CCDC122: variants seen among roughly 807,000 people sequenced by gnomAD.
The protein encoded by CCDC122 is coiled-coil domain-containing protein 122.
In CCDC122, 38 loss-of-function variants were observed where a neutral mutation model predicts 37.0. That is an observed-to-expected ratio of 1.03 (90% CI 0.79 to 1.35). The LOEUF is 1.35. Among genes scored for constraint, CCDC122 ranks in the 40% most tolerant of loss-of-function variants. CCDC122 has a pLI of 0.00. For synonymous variants in CCDC122, 83 were observed against 95.6 expected, an observed-to-expected ratio of 0.87 and a Z score of 0.77; for missense variants, 305 against 310.0, an observed-to-expected ratio of 0.98 and a Z score of 0.12.
At chr13:43,856,261 T>C (rs1160405144) in intron 6 of CCDC122, 1 of 152,194 alleles carries the variant, frequency 6.6e-6, no homozygotes, top group Admixed American at 6.5e-5. Context: ...TACCTGGCTA[T>C]TGAAATAATC....
At chr13:43,846,937 T>C (rs1953558226) in intron 6 of CCDC122, among the ~76,000 whole-genome samples, 1 of 152,236 alleles carries the variant, frequency 6.6e-6, no homozygotes, top group South Asian at 2.1e-4. Context: ...TCATAGTTAC[T>C]GAGAGAAAGT....
chr13:43,833,359 G>A (rs1021676266), downstream of CCDC122, among the ~76,000 whole-genome samples: 5 of 152,162 alleles, frequency 3.3e-5, no homozygotes, highest in Non-Finnish European at 7.3e-5. Flanking sequence ...TTTGCTTTGA[G>A]TTTCATATGA....
downstream of CCDC122, among the ~76,000 whole-genome samples, chr13:43,821,575 C>G (rs1321092497): frequency 6.6e-6 from 1 of 152,200 alleles, no homozygotes; most frequent in Admixed American, 6.5e-5. Context: ...AATAAACTCT[C>G]TACCCCATCT....
chr13:43,873,480 A>G (rs1954510234), intron 2 of CCDC122, among the ~76,000 whole-genome samples: 1 of 152,214 alleles, frequency 6.6e-6, no homozygotes, highest in Non-Finnish European at 1.5e-5. Flanking sequence ...GTTCATTAGC[A>G]GGGAGGTCTC....
chr13:43,843,688 T>C (rs779126764), intron 6 of CCDC122, among the ~76,000 whole-genome samples: 2 of 151,978 alleles, frequency 1.3e-5, no homozygotes, highest in Non-Finnish European at 2.9e-5. Context: ...AATGTGTCAG[T>C]TGGAGCCTTA....
chr13:43,828,751 G>C lies in CCDC122; in HGVS notation n.602-4740C>G, dbSNP rs79765717. Among the ~76,000 whole-genome samples, 662 of 152,142 alleles carry C rather than the reference G, an allele frequency of 4.4e-3. 5 individuals carry two copies. The highest frequency in any genetic ancestry group is 0.015 in the African/African-American group (636 of 41,496). On this transcript the variant is annotated intron_variant and non_coding_transcript_variant, in intron 3 of 3. Transcript: ENST00000470137. ...CTGTTTGGGGCTCTCACACTGATCA[G>C]TGTGAGACAAATTTAATTTAAAGAA...
intron 6 of CCDC122, among the ~76,000 whole-genome samples, chr13:43,845,975 A>G (rs1470876520): frequency 2.0e-5 from 3 of 152,194 alleles, no homozygotes; most frequent in Non-Finnish European, 4.4e-5. Context: ...AACGTTTAAC[A>G]TACTTATTAT....
At chr13:43,819,837 TAAAATGTGATTTCTAAAAATATA>T (rs1285671726), downstream of CCDC122, among the ~76,000 whole-genome samples, 6 of 152,090 alleles carry the variant, frequency 3.9e-5, no homozygotes, top group Admixed American at 3.3e-4. Flanking sequence ...ATAAAGATTT[TAAAATGTGATTTCTAAAAATATA>T]AAAATGTGAT....
chr13:43,844,651 T>C (rs1454615526), intron 6 of CCDC122, among the ~76,000 whole-genome samples: 1 of 152,120 alleles, frequency 6.6e-6, no homozygotes, highest in Non-Finnish European at 1.5e-5. Context: ...TTTGCTCATG[T>C]ATTTTGAAAC....
intron 1 of CCDC122, among the ~76,000 whole-genome samples, chr13:43,876,972 G>T (rs962491643): frequency 6.6e-6 from 1 of 152,094 alleles, no homozygotes; most frequent in Non-Finnish European, 1.5e-5. Flanking sequence ...TTAGCCGGGC[G>T]TGGTGGTGCA....
At chr13:43,845,831 A>G (rs1019834826) in intron 6 of CCDC122, among the ~76,000 whole-genome samples, 1 of 152,204 alleles carries the variant, frequency 6.6e-6, no homozygotes, top group Non-Finnish European at 1.5e-5. Context: ...TTATTTTTTT[A>G]GTTCTAAGAT....
At chr13:43,870,710 C>CA (rs200194630) in intron 2 of CCDC122, among the ~76,000 whole-genome samples, 9,337 of 151,610 alleles carry the variant, frequency 0.062, 401 homozygotes, top group Middle Eastern at 0.096. Flanking sequence ...GTTCATTTTA[C>CA]AAAAAAAAGT....
Position 43,869,453 on chromosome 13 carries a change from T to C in CCDC122, c.-77A>G. The C allele has an allele frequency of 2.4e-6, 3 of 1,249,034 alleles. No individual in the cohort carries two copies. In the South Asian group the frequency reaches 4.1e-5, roughly 17 times the overall value. The allele number at this position is 1,249,034 out of a possible 1,614,324, so 77.4% of individuals were successfully genotyped here. On this transcript the variant is annotated 5_prime_UTR_variant, in exon 3 of 7. Coordinates refer to ENST00000444614, the MANE Select transcript of CCDC122 (RefSeq NM_144974.5). ...TACTCAATAATCTATATTGATAATC[T>C]TTCACTTTTGTTTTTTCCTGTTGTA...
intron 3 of CCDC122, among the ~76,000 whole-genome samples, chr13:43,828,596 ACACG>A (rs1953061626): frequency 7.6e-6 from 1 of 131,048 alleles, no homozygotes; most frequent in Non-Finnish European, 1.7e-5. Flanking sequence ...ACACACACAC[ACACG>A]TGTCTTTCTT....
chr13:43,849,847 G>T (rs1403929914), intron 6 of CCDC122, among the ~76,000 whole-genome samples: 3 of 152,164 alleles, frequency 2.0e-5, no homozygotes, highest in Non-Finnish European at 2.9e-5. Context: ...AAGGAGCCAG[G>T]AGTTTTAACT....
chr13:43,838,088 C>T (rs1953223992), intron 6 of CCDC122, among the ~76,000 whole-genome samples: 1 of 152,134 alleles, frequency 6.6e-6, no homozygotes. Flanking sequence ...ATAAATGTTG[C>T]CTGCCCACTT....
rs566956765 is a variant in CCDC122, at chr13:43,868,388, C to A, written c.156+306G>T. On this transcript the variant is annotated intron_variant, in intron 4 of 6. Coordinates refer to ENST00000444614, the MANE Select transcript of CCDC122 (RefSeq NM_144974.5). ...TACAAACACTGGCTTAAAACTTAAC[C>A]TTCCTTCAATTCAGCATTTTAGGAA... Among the ~76,000 whole-genome samples the A allele has an allele frequency of 3.3e-5, 5 of 152,246 alleles. No individual in the cohort carries two copies. In the South Asian group the frequency reaches 1.0e-3, roughly 32 times the overall value.
chr13:43,830,167 C>T (rs1953076097), intron 3 of CCDC122, among the ~76,000 whole-genome samples: 1 of 152,108 alleles, frequency 6.6e-6, no homozygotes, highest in African/African-American at 2.4e-5. Context: ...TGAGCCACCG[C>T]GCCCAACCTG....
chr13:43,852,732 TAGAG>T (rs76873795), intron 6 of CCDC122, among the ~76,000 whole-genome samples: 29,838 of 151,122 alleles, frequency 0.2, 2,968 homozygotes, highest in African/African-American at 0.24. Flanking sequence ...TAAAGGCAGC[TAGAG>T]AGAAAGGTCA....
Sources: gnomAD v4.1 joint callset for allele counts (sites outside exome capture counted in the v4.1 genomes callset) on GRCh38, gnomAD v4.1.1 for gene constraint, MANE v1.5 for transcripts, NCBI Gene and HGNC (gene_info 2026-07-23, HGNC 2026-07-21) for gene names.